MECOM: variants seen among roughly 807,000 people sequenced by gnomAD.
The protein encoded by MECOM is histone-lysine N-methyltransferase MECOM.
MECOM carries 13 observed loss-of-function variants against 116.3 expected under a neutral mutation model. The ratio of observed to expected loss-of-function variants is 0.11; its 90% confidence interval spans 0.07 to 0.18. The LOEUF is 0.18. MECOM is among the 10% of genes least tolerant of loss of function. The pLI is 1.00. For synonymous variants in MECOM, 528 were observed against 535.2 expected (o/e 0.99, Z 0.19); for missense variants, 1,299 against 1,509.0 (o/e 0.86, Z 2.31).
At chr3:169,628,273 A>G in intron 1 of MECOM, among the ~76,000 whole-genome samples, 1 of 152,212 alleles carries the variant, frequency 6.6e-6, no homozygotes, top group East Asian at 1.9e-4. Flanking sequence ...CTAAATGCCT[A>G]TTTTTAAAAA....
At chr3:169,229,165 T>C (rs1005860841) in intron 2 of MECOM, among the ~76,000 whole-genome samples, 3 of 152,262 alleles carry the variant, frequency 2.0e-5, no homozygotes, top group Admixed American at 2.0e-4. Context: ...TCTGCTCTGC[T>C]GTAAAGAAAA....
chr3:169,096,305 C>G (rs1721461319), intron 12 of MECOM, among the ~76,000 whole-genome samples: 1 of 150,900 alleles, frequency 6.6e-6, no homozygotes, highest in South Asian at 2.1e-4. Context: ...GAGTCTCACT[C>G]TGTCACCCAG....
At chr3:169,205,021 T>G (rs1214840440) in intron 2 of MECOM, among the ~76,000 whole-genome samples, 1 of 152,198 alleles carries the variant, frequency 6.6e-6, no homozygotes, top group African/African-American at 2.4e-5. Context: ...AGTTTTCCTC[T>G]GCCGTCCCTG....
intron 1 of MECOM, among the ~76,000 whole-genome samples, chr3:169,635,221 G>A (rs1386575532): frequency 6.6e-6 from 1 of 152,204 alleles, no homozygotes; most frequent in East Asian, 1.9e-4. Context: ...AAACAAGGAT[G>A]ATAGCAATGT....
intron 2 of MECOM, among the ~76,000 whole-genome samples, chr3:169,258,066 C>T (rs1371419168): frequency 6.6e-6 from 1 of 152,046 alleles, no homozygotes; most frequent in African/African-American, 2.4e-5. Context: ...ACTAAAAATA[C>T]AAAAATTGGC....
At chr3:169,457,320 T>C (rs1746697943) in intron 1 of MECOM, among the ~76,000 whole-genome samples, 1 of 152,228 alleles carries the variant, frequency 6.6e-6, no homozygotes, top group Non-Finnish European at 1.5e-5. Flanking sequence ...CTCACAGGGC[T>C]TAATTTTGAG....
At chr3:169,491,798 T>A (rs918471111) in intron 1 of MECOM, among the ~76,000 whole-genome samples, 1 of 152,210 alleles carries the variant, frequency 6.6e-6, no homozygotes, top group African/African-American at 2.4e-5. Context: ...AGTTTCGTGT[T>A]TCAATCAGAA....
intron 1 of MECOM, among the ~76,000 whole-genome samples, chr3:169,558,827 G>A (rs1004105354): frequency 6.6e-6 from 1 of 152,066 alleles, no homozygotes; most frequent in African/African-American, 2.4e-5. Context: ...TCGGTCAGAA[G>A]TATTCAACTT....
chr3:169,083,517 A>G lies in MECOM; in HGVS notation c.*1392T>C, dbSNP rs1433906644. ...AGTGGGGAAAAATACTCCTTTTTGT[A>G]AGTCTTTATTTTTTAGTTGCTCCTC... is the stretch of plus-strand genomic sequence containing the variant. On this transcript the variant is annotated 3_prime_UTR_variant, in exon 17 of 17. Coordinates refer to ENST00000651503, the MANE Select transcript of MECOM (RefSeq NM_004991.4). The G allele has an allele frequency of 2.2e-5, 4 of 181,358 alleles. No homozygotes were observed. The highest frequency in any genetic ancestry group is 9.4e-5 in the African/African-American group (4 of 42,472). 11.2% of individuals were successfully genotyped at this position (181,358 alleles called of 1,614,324 possible).
At chr3:169,633,989 C>T (rs1421005) in intron 1 of MECOM, among the ~76,000 whole-genome samples, 42,430 of 151,298 alleles carry the variant, frequency 0.28, 6,160 homozygotes, top group Non-Finnish European at 0.32. Flanking sequence ...GTCCACACCA[C>T]AGCCCTGCTG....
intron 2 of MECOM, among the ~76,000 whole-genome samples, chr3:169,298,732 T>C (rs1179194813): frequency 6.6e-6 from 1 of 152,070 alleles, no homozygotes; most frequent in African/African-American, 2.4e-5. Flanking sequence ...AAGACACCAG[T>C]TTAGAGACAT....
chr3:169,488,930 A>G (rs1481626243), intron 1 of MECOM, among the ~76,000 whole-genome samples: 1 of 151,996 alleles, frequency 6.6e-6, no homozygotes, highest in Non-Finnish European at 1.5e-5. Flanking sequence ...ATTAAAAAAA[A>G]CAAAAGTTTT....
intron 2 of MECOM, among the ~76,000 whole-genome samples, chr3:169,158,772 T>A (rs1742380505): frequency 6.6e-6 from 1 of 152,180 alleles, no homozygotes; most frequent in Admixed American, 6.5e-5. Flanking sequence ...TTCACTGAAT[T>A]TGGTTTCATT....
intron 2 of MECOM, among the ~76,000 whole-genome samples, chr3:169,166,859 T>C (rs774651432): frequency 6.6e-6 from 1 of 152,220 alleles, no homozygotes; most frequent in Non-Finnish European, 1.5e-5. Flanking sequence ...GGATTGGGAT[T>C]ACAGCCGTAA....
chr3:169,526,067 C>G (rs988673845), intron 1 of MECOM, among the ~76,000 whole-genome samples: 3 of 151,626 alleles, frequency 2.0e-5, no homozygotes, highest in Non-Finnish European at 4.4e-5. Context: ...TAACCAATAG[C>G]AGTAAAGTTT....
intron 1 of MECOM, among the ~76,000 whole-genome samples, chr3:169,531,499 A>AT (rs1758621790): frequency 3.9e-5 from 6 of 152,148 alleles, no homozygotes; most frequent in Admixed American, 3.3e-4. Context: ...GAGGCAAGAC[A>AT]TTTTTCCCCA....
chr3:169,084,446 C>T lies in MECOM; in HGVS notation c.*463G>A, dbSNP rs1055053034. 8.6e-6 allele frequency: 2 copies of T among 232,846 alleles called. No individual in the cohort carries two copies. Among genetic ancestry groups the T allele is most frequent in the African/African-American group, 4.4e-5 (2 of 45,316 alleles). The allele number at this position is 232,846 out of a possible 1,614,324, so 14.4% of individuals were successfully genotyped here. A position where few individuals can be genotyped will look rare whatever the true frequency, so the allele number is the denominator to read the frequency against. On this transcript the variant is annotated 3_prime_UTR_variant, in exon 17 of 17. Transcript: ENST00000651503. ...CTTCAAAGGGTTAAATTACATAAAA[C>T]TTTAACGAAGAAAAAAATTAAATCT...
chr3:169,444,098 C>G (rs1409402414), intron 1 of MECOM, among the ~76,000 whole-genome samples: 1 of 152,148 alleles, frequency 6.6e-6, no homozygotes, highest in Non-Finnish European at 1.5e-5. Flanking sequence ...CCCTGTCTTT[C>G]CTACCGTCTA....
intron 2 of MECOM, among the ~76,000 whole-genome samples, chr3:169,189,829 C>T (rs374861703): frequency 2.4e-4 from 37 of 152,164 alleles, no homozygotes; most frequent in African/African-American, 7.9e-4. Context: ...TTAAGACCTT[C>T]GCCTTGTTTC....
Sources: gnomAD v4.1 joint callset for allele counts (sites outside exome capture counted in the v4.1 genomes callset) on GRCh38, gnomAD v4.1.1 for gene constraint, MANE v1.5 for transcripts, NCBI Gene and HGNC (gene_info 2026-07-23, HGNC 2026-07-21) for gene names.